The following PIK3CB variants were observed in gnomAD, a reference collection of about 807,000 sequenced individuals.
PIK3CB encodes phosphatidylinositol-4,5-bisphosphate 3-kinase catalytic subunit beta.
In PIK3CB, 39 loss-of-function variants were observed where a neutral mutation model predicts 136.8. The observed-to-expected ratio is 0.29, with a 90% CI of 0.22 to 0.37. The LOEUF (loss-of-function observed/expected upper bound fraction) is 0.37. Among genes scored for constraint, PIK3CB ranks in the 10% least tolerant of loss-of-function variants. The pLI is 1.00. For synonymous variants in PIK3CB, 428 were observed against 436.6 expected (o/e 0.98, Z 0.25); for missense variants, 868 against 1,275.4 (o/e 0.68, Z 4.87).
At chr3:138,750,121 C>T (rs361054) in intron 4 of PIK3CB, among the ~76,000 whole-genome samples, 74,412 of 151,926 alleles carry the variant, frequency 0.49, 20,734 homozygotes, top group East Asian at 0.98. Flanking sequence ...TCAAGTGATC[C>T]ACCCACCTTA....
chr3:138,693,993 T>TATAATATATATA (rs1559819951), intron 14 of PIK3CB, among the ~76,000 whole-genome samples: 1 of 120,142 alleles, frequency 8.3e-6, no homozygotes, highest in Non-Finnish European at 1.7e-5. Context: ...TATATATATA[T>TATAATATATATA]TTTAAACCCA....
At chr3:138,818,933 G>C (rs900052809) in intron 1 of PIK3CB, among the ~76,000 whole-genome samples, 2 of 152,130 alleles carry the variant, frequency 1.3e-5, no homozygotes, top group African/African-American at 4.8e-5. Flanking sequence ...AATGGTAAAT[G>C]CTCTGGTACG....
chr3:138,758,989 A>G (rs755654104), intron 3 of PIK3CB, among the ~76,000 whole-genome samples, 184 bp downstream of exon 3: 22 of 152,124 alleles, frequency 1.4e-4, no homozygotes, highest in Non-Finnish European at 2.8e-4. Context: ...AATCTTCTTG[A>G]CAGTTTTAAT....
At chr3:138,803,784 C>T (rs1352150622) in intron 1 of PIK3CB, among the ~76,000 whole-genome samples, 1 of 152,092 alleles carries the variant, frequency 6.6e-6, no homozygotes, top group Non-Finnish European at 1.5e-5. Context: ...TCAAACACAA[C>T]ATGAAGCTCT....
At chr3:138,739,697 T>G (rs1361292162) in intron 5 of PIK3CB, among the ~76,000 whole-genome samples, 1 of 150,202 alleles carries the variant, frequency 6.7e-6, no homozygotes, top group African/African-American at 2.4e-5. Flanking sequence ...GCTCAGGAGC[T>G]CAAGACCAGC....
intron 8 of PIK3CB, among the ~76,000 whole-genome samples, chr3:138,721,545 C>T (rs910663506): frequency 1.3e-5 from 2 of 152,158 alleles, no homozygotes; most frequent in Non-Finnish European, 2.9e-5. Flanking sequence ...TCTTATTTGA[C>T]TTTAAATGAA....
At chr3:138,702,263 T>C (rs2044271501) in intron 12 of PIK3CB, among the ~76,000 whole-genome samples, 1 of 146,644 alleles carries the variant, frequency 6.8e-6, no homozygotes, top group African/African-American at 2.5e-5. Flanking sequence ...TTTGTAGAGA[T>C]GGGGTCTCTC....
At chr3:138,778,177 G>T in intron 2 of PIK3CB, 1 of 453,846 alleles carries the variant, frequency 2.2e-6, no homozygotes, top group Non-Finnish European at 4.4e-6. Context: ...AACCGAAAGG[G>T]TCATCATCTC....
chr3:138,663,634 G>A (rs920488578), intron 21 of PIK3CB, among the ~76,000 whole-genome samples: 12 of 151,982 alleles, frequency 7.9e-5, no homozygotes, highest in African/African-American at 2.4e-4. Context: ...CGGCCGGCTC[G>A]GGATCCCAAA....
chr3:138,695,021 T>C, intron 13 of PIK3CB, 114 bp from the exon 14 acceptor site: 1 of 911,976 alleles, frequency 1.1e-6, no homozygotes, highest in Non-Finnish European at 1.6e-6. Flanking sequence ...CACTTTTAAT[T>C]ATTGATGCCT....
intron 2 of PIK3CB, chr3:138,777,979 C>A (rs540194264): frequency 1.0e-5 from 4 of 388,716 alleles, no homozygotes; most frequent in Non-Finnish European, 2.0e-5. Flanking sequence ...ATGATTCTAC[C>A]CATGGCAAAT....
At chr3:138,781,578 G>A (rs750688384) in intron 2 of PIK3CB, among the ~76,000 whole-genome samples, 8 of 151,800 alleles carry the variant, frequency 5.3e-5, no homozygotes, top group African/African-American at 1.5e-4. Context: ...TCAGACTCCC[G>A]AGCAGCTGGG....
chr3:138,721,740 ACT>A (rs2044730608), intron 8 of PIK3CB, among the ~76,000 whole-genome samples: 1 of 152,228 alleles, frequency 6.6e-6, no homozygotes, highest in Non-Finnish European at 1.5e-5. Context: ...TTCTAGAATG[ACT>A]TTTTCCAGAT....
intron 1 of PIK3CB, among the ~76,000 whole-genome samples, chr3:138,798,572 G>C (rs2108834606): frequency 6.6e-6 from 1 of 152,276 alleles, no homozygotes; most frequent in East Asian, 1.9e-4. Context: ...GGAATGGTGT[G>C]AATAGAAACA....
At chr3:138,705,527 G>A (rs977489) in intron 11 of PIK3CB, among the ~76,000 whole-genome samples, 14 of 151,948 alleles carry the variant, frequency 9.2e-5, no homozygotes, top group Admixed American at 1.3e-4. Flanking sequence ...TTATTGTTCA[G>A]AAAAACATGT....
intron 1 of PIK3CB, among the ~76,000 whole-genome samples, chr3:138,826,756 A>C (rs1218249823): frequency 6.6e-6 from 1 of 152,114 alleles, no homozygotes; most frequent in Non-Finnish European, 1.5e-5. Context: ...AGATTCAAAA[A>C]CTAAGTTGTC....
At chr3:138,805,715 C>G (rs1358727027) in intron 1 of PIK3CB, among the ~76,000 whole-genome samples, 1 of 151,466 alleles carries the variant, frequency 6.6e-6, no homozygotes, top group African/African-American at 2.4e-5. Flanking sequence ...TACATCTTCT[C>G]TTTTGTTGTT....
At chr3:138,772,892 T>C (rs768698344) in intron 2 of PIK3CB, among the ~76,000 whole-genome samples, 55 of 151,096 alleles carry the variant, frequency 3.6e-4, no homozygotes, top group Non-Finnish European at 4.4e-4. Flanking sequence ...TTCAAGTGAT[T>C]CTCCTGCCTC....
chr3:138,817,153 A>G (rs1381278001), intron 1 of PIK3CB, among the ~76,000 whole-genome samples: 1 of 152,026 alleles, frequency 6.6e-6, no homozygotes, highest in African/African-American at 2.4e-5. Context: ...CCTGGCTAAC[A>G]CAGTGAAACC....
Sources: gnomAD v4.1 joint callset for allele counts (sites outside exome capture counted in the v4.1 genomes callset) on GRCh38, gnomAD v4.1.1 for gene constraint, MANE v1.5 for transcripts, NCBI Gene and HGNC (gene_info 2026-07-23, HGNC 2026-07-21) for gene names.